PRKG1: variants seen among roughly 807,000 people sequenced by gnomAD.
PRKG1 encodes the protein cGMP-dependent protein kinase 1.
A neutral mutation model predicts 88.1 loss-of-function variants in PRKG1; 35 were observed. The observed-to-expected ratio is 0.40, with a 90% confidence interval of 0.30 to 0.53. The LOEUF is 0.53. Ranked by LOEUF, PRKG1 falls within the 20% of genes least tolerant of loss-of-function variation. The pLI is 0.59. For missense variants in PRKG1, 540 were observed against 839.8 expected (o/e 0.64, Z 4.41); for synonymous variants, 303 against 292.5 (o/e 1.04, Z -0.37).
chr10:51,482,234 G>T (rs1341293253), intron 3 of PRKG1, among the ~76,000 whole-genome samples: 2 of 151,896 alleles, frequency 1.3e-5, no homozygotes, highest in Non-Finnish European at 2.9e-5. Flanking sequence ...CTGTTGCTTT[G>T]GTATTTTTAC....
At chr10:51,684,610 C>G (rs1322145986) in intron 3 of PRKG1, among the ~76,000 whole-genome samples, 1 of 151,998 alleles carries the variant, frequency 6.6e-6, no homozygotes, top group African/African-American at 2.4e-5. Flanking sequence ...TGGCTCAGTC[C>G]TGTAATCCCA....
At chr10:51,292,577 G>A (rs899646764) in intron 2 of PRKG1, among the ~76,000 whole-genome samples, 4 of 152,040 alleles carry the variant, frequency 2.6e-5, no homozygotes, top group African/African-American at 7.2e-5. Context: ...TATTCTAAGT[G>A]GAATAGGATT....
At chr10:52,142,019 A>G (rs184557244) in intron 8 of PRKG1, among the ~76,000 whole-genome samples, 1 of 152,278 alleles carries the variant, frequency 6.6e-6, no homozygotes, top group Admixed American at 6.5e-5. Flanking sequence ...GTATACTCAA[A>G]TCACACTGTT....
intron 2 of PRKG1, among the ~76,000 whole-genome samples, chr10:51,364,456 G>A (rs888971963): frequency 9.2e-5 from 14 of 151,910 alleles, no homozygotes; most frequent in African/African-American, 2.9e-4. Context: ...GTGCTTGACC[G>A]TTTCCAACAT....
intron 2 of PRKG1, among the ~76,000 whole-genome samples, chr10:51,385,703 C>T (rs1213840636): frequency 6.6e-6 from 1 of 152,188 alleles, no homozygotes; most frequent in East Asian, 1.9e-4. Flanking sequence ...GGACCATTCA[C>T]AGTGCCCCCA....
At chr10:51,306,911 T>C (rs958862533) in intron 2 of PRKG1, among the ~76,000 whole-genome samples, 1 of 152,150 alleles carries the variant, frequency 6.6e-6, no homozygotes, top group East Asian at 1.9e-4. Flanking sequence ...AGGGATTTGT[T>C]TGAAGTCATG....
intron 3 of PRKG1, among the ~76,000 whole-genome samples, chr10:51,617,246 C>T (rs1839083362): frequency 6.6e-6 from 1 of 152,188 alleles, no homozygotes; most frequent in Non-Finnish European, 1.5e-5. Context: ...CTCCGACTCA[C>T]AGGCTTGCTT....
chr10:51,064,925 T>A (rs1222144485), intron 1 of PRKG1, among the ~76,000 whole-genome samples: 1 of 152,080 alleles, frequency 6.6e-6, no homozygotes, highest in East Asian at 1.9e-4. Context: ...GGAAATAATA[T>A]ATGTATGTTA....
intron 3 of PRKG1, among the ~76,000 whole-genome samples, chr10:51,596,068 A>G (rs186607368): frequency 6.6e-6 from 1 of 152,032 alleles, no homozygotes; most frequent in Non-Finnish European, 1.5e-5. Context: ...TGACCTCATG[A>G]TCCACCTGCC....
At chr10:51,473,318 G>T (rs1840101857) in intron 3 of PRKG1, among the ~76,000 whole-genome samples, 1 of 151,646 alleles carries the variant, frequency 6.6e-6, no homozygotes, top group Non-Finnish European at 1.5e-5. Flanking sequence ...TTTTTTTGTT[G>T]TTTAAGTAGA....
intron 3 of PRKG1, among the ~76,000 whole-genome samples, chr10:51,670,901 A>G (rs1340413021): frequency 1.3e-5 from 2 of 152,060 alleles, no homozygotes; most frequent in Non-Finnish European, 2.9e-5. Context: ...CTAATCTCTT[A>G]ATAATGTTGT....
chr10:51,053,671 G>A (rs965493289), intron 1 of PRKG1, among the ~76,000 whole-genome samples: 2 of 152,000 alleles, frequency 1.3e-5, no homozygotes, highest in Admixed American at 1.3e-4. Flanking sequence ...AAAACTTTGG[G>A]TTTAAAATCT....
chr10:51,081,301 A>G (rs1844104864), intron 1 of PRKG1, among the ~76,000 whole-genome samples: 1 of 152,268 alleles, frequency 6.6e-6, no homozygotes, highest in African/African-American at 2.4e-5. Context: ...AAACTATGCC[A>G]TATTTGCAAG....
intron 3 of PRKG1, among the ~76,000 whole-genome samples, chr10:51,587,805 A>G (rs1838209926): frequency 6.6e-6 from 1 of 152,194 alleles, no homozygotes; most frequent in Admixed American, 6.5e-5. Context: ...CAATCTTCTC[A>G]TCTGAAAATG....
At chr10:51,955,865 C>T (rs1342388665) in intron 5 of PRKG1, among the ~76,000 whole-genome samples, 4 of 152,032 alleles carry the variant, frequency 2.6e-5, no homozygotes, top group Non-Finnish European at 2.9e-5. Context: ...ACATGCCTTC[C>T]TTTTGTGCAG....
At chr10:51,686,501 C>G (rs1840994600) in intron 3 of PRKG1, among the ~76,000 whole-genome samples, 1 of 152,172 alleles carries the variant, frequency 6.6e-6, no homozygotes, top group African/African-American at 2.4e-5. Flanking sequence ...TGTGTCAGTA[C>G]AGGCACTAAC....
intron 2 of PRKG1, among the ~76,000 whole-genome samples, chr10:51,447,367 C>G (rs1404337505): frequency 6.6e-6 from 1 of 152,036 alleles, no homozygotes; most frequent in Non-Finnish European, 1.5e-5. Context: ...CCTTTGGGCT[C>G]TGCACATGAA....
chr10:52,222,622 G>C (rs555093053), intron 9 of PRKG1, among the ~76,000 whole-genome samples: 1 of 152,150 alleles, frequency 6.6e-6, no homozygotes, highest in Non-Finnish European at 1.5e-5. Context: ...ATAAAACCCA[G>C]TACAACTCCT....
At chr10:51,738,281 T>G (rs1488083739) in intron 3 of PRKG1, among the ~76,000 whole-genome samples, 3 of 152,266 alleles carry the variant, frequency 2.0e-5, no homozygotes, top group East Asian at 3.9e-4. Context: ...TCTAAATTTG[T>G]GCGCTCAGTT....
Sources: gnomAD v4.1 joint callset for allele counts (sites outside exome capture counted in the v4.1 genomes callset) on GRCh38, gnomAD v4.1.1 for gene constraint, MANE v1.5 for transcripts, NCBI Gene and HGNC (gene_info 2026-07-23, HGNC 2026-07-21) for gene names.